Variants in SPPL3 observed in about 807,000 individuals in gnomAD.
SPPL3 encodes the protein signal peptide peptidase-like 3.
In SPPL3, 5 loss-of-function variants were observed where a neutral mutation model predicts 42.4. The ratio of observed to expected loss-of-function variants is 0.12; its 90% confidence interval spans 0.06 to 0.25. The LOEUF is 0.25. Ranked by LOEUF, SPPL3 falls within the 10% of genes least tolerant of loss-of-function variation. SPPL3 has a pLI of 1.00. For missense variants in SPPL3, 235 were observed against 489.0 expected, an observed-to-expected ratio of 0.48 and a Z score of 4.90; for synonymous variants, 195 against 181.8, an observed-to-expected ratio of 1.07 and a Z score of -0.58.
intron 6 of SPPL3, 93 bp downstream of exon 6, chr12:120,782,562 T>C: frequency 1.0e-6 from 1 of 972,342 alleles, no homozygotes; most frequent in Non-Finnish European, 1.5e-6. Context: ...AAAAGTTTAT[T>C]GTAGTGATGG....
intron 1 of SPPL3, among the ~76,000 whole-genome samples, chr12:120,844,458 G>C (rs77278225): frequency 6.6e-6 from 1 of 151,986 alleles, no homozygotes; most frequent in Non-Finnish European, 1.5e-5. Context: ...GCCTCCCATC[G>C]TGCTGATAAA....
chr12:120,870,532 A>G (rs1421334506), intron 1 of SPPL3, among the ~76,000 whole-genome samples: 3 of 152,192 alleles, frequency 2.0e-5, no homozygotes, highest in East Asian at 3.8e-4. Context: ...CTGTACAGCA[A>G]TGTTCACAGC....
At chr12:120,854,221 C>G (rs1592997020) in intron 1 of SPPL3, among the ~76,000 whole-genome samples, 1 of 152,214 alleles carries the variant, frequency 6.6e-6, no homozygotes, top group Non-Finnish European at 1.5e-5. Flanking sequence ...AGGAAACTGA[C>G]CCAAGGAAAT....
chr12:120,831,148 T>C (rs552295407), intron 1 of SPPL3, among the ~76,000 whole-genome samples: 7 of 152,228 alleles, frequency 4.6e-5, no homozygotes, highest in Non-Finnish European at 8.8e-5. Flanking sequence ...TTCCTGGACC[T>C]TCAGACTCAG....
intron 6 of SPPL3, among the ~76,000 whole-genome samples, chr12:120,773,873 G>C (rs1343116221): frequency 2.0e-5 from 3 of 152,178 alleles, no homozygotes; most frequent in African/African-American, 7.2e-5. Context: ...CGAAGTGCTG[G>C]GATTACAGGC....
At chr12:120,770,980 C>T (rs921827319) in intron 6 of SPPL3, among the ~76,000 whole-genome samples, 2 of 152,176 alleles carry the variant, frequency 1.3e-5, no homozygotes, top group Non-Finnish European at 2.9e-5. Flanking sequence ...ATTGTGCAGA[C>T]GGAAATCTGT....
intron 1 of SPPL3, among the ~76,000 whole-genome samples, chr12:120,827,716 G>A (rs754762361): frequency 2.0e-5 from 3 of 152,052 alleles, no homozygotes; most frequent in South Asian, 2.1e-4. Context: ...GAATCAAAAC[G>A]CACCCTCCAA....
intron 2 of SPPL3, among the ~76,000 whole-genome samples, chr12:120,809,203 G>C (rs372864876): frequency 3.3e-5 from 5 of 152,186 alleles, no homozygotes; most frequent in Non-Finnish European, 5.9e-5. Flanking sequence ...AAATTAGCCA[G>C]GCGTGGTGGC....
chr12:120,899,802 A>C (rs926234162), intron 1 of SPPL3, among the ~76,000 whole-genome samples: 1 of 151,114 alleles, frequency 6.6e-6, no homozygotes, highest in Admixed American at 6.6e-5. Flanking sequence ...CTGAGGCACA[A>C]GAATCGCTTG....
intron 1 of SPPL3, among the ~76,000 whole-genome samples, chr12:120,858,465 A>AG (rs386377948): frequency 8.3e-5 from 3 of 36,186 alleles, no homozygotes; most frequent in African/African-American, 1.7e-4. Flanking sequence ...TCAAGAAAAC[A>AG]AAAAAAAAAA....
chr12:120,839,827 T>C (rs939279189), intron 1 of SPPL3, among the ~76,000 whole-genome samples: 3 of 151,800 alleles, frequency 2.0e-5, no homozygotes, highest in Non-Finnish European at 2.9e-5. Flanking sequence ...GTCAAGAGAA[T>C]TGAAAACACA....
At chr12:120,806,746 C>T (rs201270884) in intron 2 of SPPL3, among the ~76,000 whole-genome samples, 1 of 151,628 alleles carries the variant, frequency 6.6e-6, no homozygotes, top group East Asian at 1.9e-4. Context: ...ACTCGGGAGG[C>T]TGAGGCAGGA....
intron 7 of SPPL3, 41 bp downstream of exon 7, chr12:120,768,912 A>G: frequency 6.5e-7 from 1 of 1,534,956 alleles, no homozygotes; most frequent in East Asian, 2.3e-5. Flanking sequence ...CTTCACTTCA[A>G]CACAAAGAAG....
intron 2 of SPPL3, among the ~76,000 whole-genome samples, chr12:120,799,900 CTT>C (rs1441892944): frequency 6.6e-6 from 1 of 152,202 alleles, no homozygotes; most frequent in Non-Finnish European, 1.5e-5. Context: ...TGACAGCAAA[CTT>C]AAGCTGTTTA....
chr12:120,857,220 TTC>T (rs748751022), intron 1 of SPPL3, among the ~76,000 whole-genome samples: 39 of 152,310 alleles, frequency 2.6e-4, no homozygotes, highest in Admixed American at 5.2e-4. Flanking sequence ...TCCTGCCCAC[TTC>T]TCTCTCTCAG....
intron 2 of SPPL3, among the ~76,000 whole-genome samples, chr12:120,807,670 G>T (rs1178707424): frequency 3.3e-5 from 3 of 91,568 alleles, no homozygotes; most frequent in African/African-American, 1.2e-4. Flanking sequence ...GCGAAACTCC[G>T]ACTCAAAAAA....
At chr12:120,879,119 A>G (rs1873203116) in intron 1 of SPPL3, among the ~76,000 whole-genome samples, 1 of 127,418 alleles carries the variant, frequency 7.8e-6, no homozygotes, top group South Asian at 2.2e-4. Context: ...GTCTCAAAAA[A>G]AAAAAAAAAA....
intron 1 of SPPL3, among the ~76,000 whole-genome samples, chr12:120,844,734 A>G (rs1452620062): frequency 6.6e-6 from 1 of 151,770 alleles, no homozygotes; most frequent in Non-Finnish European, 1.5e-5. Context: ...CAACCACCAA[A>G]ATGGATCTCA....
rs913766507 is a variant in SPPL3, at chr12:120,898,284, G to A, written c.23+5561C>T. On this transcript the variant is annotated intron_variant, in intron 1 of 10. Coordinates refer to ENST00000353487, the MANE Select transcript of SPPL3 (RefSeq NM_139015.5). ...GTGCCACCACACTCCAGCCTGGACA[G>A]AGCAAGACTCTGTTTTTTTTTTTTT... Among the ~76,000 whole-genome samples, 11 of 116,372 alleles carry A rather than the reference G, an allele frequency of 9.5e-5. 1 individual carries two copies. The highest frequency in any genetic ancestry group is 3.7e-4 in the African/African-American group (11 of 29,722). 76.3% of individuals were successfully genotyped at this position (116,372 alleles called of 152,430 possible).
Sources: gnomAD v4.1 joint callset for allele counts (sites outside exome capture counted in the v4.1 genomes callset) on GRCh38, gnomAD v4.1.1 for gene constraint, MANE v1.5 for transcripts, NCBI Gene and HGNC (gene_info 2026-07-23, HGNC 2026-07-21) for gene names.